The following TTC28 variants were observed in gnomAD, a reference collection of about 807,000 sequenced individuals.
TTC28 encodes the protein tetratricopeptide repeat domain 28.
Under a neutral mutation model 198.0 loss-of-function variants are expected in TTC28, and 61 were observed. The ratio of observed to expected loss-of-function variants is 0.31; its 90% CI spans 0.25 to 0.38. The LOEUF (loss-of-function observed/expected upper bound fraction) is 0.38, where lower values mean the gene tolerates loss of function less well. TTC28 is among the 10% of genes least tolerant of loss of function. The pLI is 1.00. For missense variants in TTC28, 2,678 were observed against 3,164.0 expected (o/e 0.85, Z 3.69); for synonymous variants, 1,171 against 1,297.8 (o/e 0.90, Z 2.10).
At chr22:28,034,329 C>T (rs1939246722) in intron 12 of TTC28, among the ~76,000 whole-genome samples, 1 of 152,120 alleles carries the variant, frequency 6.6e-6, no homozygotes, top group East Asian at 1.9e-4. Context: ...TAGGGAGGCA[C>T]CAAAAGCTAA....
intron 2 of TTC28, among the ~76,000 whole-genome samples, chr22:28,605,352 G>T (rs945291361): frequency 2.0e-5 from 3 of 152,164 alleles, no homozygotes; most frequent in Non-Finnish European, 4.4e-5. Flanking sequence ...ACAATGACCA[G>T]TGGCCTTAAG....
At position 27,981,668 on chromosome 22, in the gene TTC28, A is replaced by G. The variant is rs1937027390; in HGVS notation, c.*553T>C. On this transcript the variant is annotated 3_prime_UTR_variant, in exon 23 of 23. Transcript: ENST00000397906. Reference sequence around the variant, plus strand: ...ACACTATCATGAGACCAAAATTGCTACAATTTAATTACAAATCATTGGCAT... The same window carrying G: ...ACACTATCATGAGACCAAAATTGCTGCAATTTAATTACAAATCATTGGCAT... 6.6e-6 allele frequency: 1 copy of G among 152,264 alleles called. No homozygotes were observed. Among genetic ancestry groups the G allele is most frequent in the Non-Finnish European group, 1.5e-5 (1 of 68,078 alleles). The allele number at this position is 152,264 out of a possible 1,614,324, so 9.4% of individuals were successfully genotyped here.
intron 12 of TTC28, among the ~76,000 whole-genome samples, chr22:28,081,929 T>C (rs1294654914): frequency 6.6e-6 from 1 of 152,246 alleles, no homozygotes; most frequent in Non-Finnish European, 1.5e-5. Flanking sequence ...TTTAATTTCC[T>C]TCAGAATTTT....
intron 2 of TTC28, among the ~76,000 whole-genome samples, chr22:28,430,363 T>C (rs779247460): frequency 4.6e-5 from 7 of 152,166 alleles, no homozygotes; most frequent in East Asian, 1.9e-4. Flanking sequence ...ACAGGAGAGA[T>C]TGTTGCTCTG....
intron 2 of TTC28, among the ~76,000 whole-genome samples, chr22:28,322,423 C>T (rs73427775): frequency 0.017 from 2,577 of 152,188 alleles, 72 homozygotes; most frequent in African/African-American, 0.059. Context: ...CAGAAGATAA[C>T]AAATATAAAT....
At chr22:28,411,328 T>C (rs1601359460) in intron 2 of TTC28, among the ~76,000 whole-genome samples, 1 of 152,312 alleles carries the variant, frequency 6.6e-6, no homozygotes, top group East Asian at 1.9e-4. Flanking sequence ...GTTGTTCAAC[T>C]CTTATGAAAA....
At chr22:28,421,608 T>C (rs1488830976) in intron 2 of TTC28, among the ~76,000 whole-genome samples, 1 of 152,190 alleles carries the variant, frequency 6.6e-6, no homozygotes, top group African/African-American at 2.4e-5. Flanking sequence ...ATTTTGTGAC[T>C]GTTTAAGACA....
chr22:27,995,380 G>T (rs1937533727), intron 17 of TTC28, among the ~76,000 whole-genome samples: 1 of 152,192 alleles, frequency 6.6e-6, no homozygotes, highest in Admixed American at 6.5e-5. Context: ...TGTGGGGTGG[G>T]CCAGGGCTGG....
Position 28,286,395 on chromosome 22 carries a change from A to G in TTC28, c.933+9803T>C, listed in dbSNP as rs2044687275. On this transcript the variant is annotated intron_variant, in intron 5 of 22. Coordinates refer to ENST00000397906, the MANE Select transcript of TTC28 (RefSeq NM_001145418.2). ...ATCACTACATTAAACAATATAAAAAATTAATGAGATACTTTACATTCTTTT... is the reference window on the plus strand; with the variant it reads ...ATCACTACATTAAACAATATAAAAAGTTAATGAGATACTTTACATTCTTTT... Among the ~76,000 whole-genome samples the G allele has an allele frequency of 2.6e-5, 4 of 152,344 alleles. No homozygotes were observed. The South Asian group carries it at 6.2e-4, about 24-fold the overall frequency.
At chr22:28,087,715 T>C (rs192869664) in intron 12 of TTC28, among the ~76,000 whole-genome samples, 1 of 152,212 alleles carries the variant, frequency 6.6e-6, no homozygotes, top group Admixed American at 6.5e-5. Flanking sequence ...AAAGAGGAAG[T>C]CAAATCGTCC....
intron 2 of TTC28, among the ~76,000 whole-genome samples, chr22:28,459,568 C>G (rs1301480329): frequency 6.6e-6 from 1 of 152,206 alleles, no homozygotes; most frequent in East Asian, 1.9e-4. Flanking sequence ...CAAAGCCACC[C>G]ACATCCCAAG....
At chr22:28,568,193 G>A (rs2050009734) in intron 2 of TTC28, among the ~76,000 whole-genome samples, 1 of 152,132 alleles carries the variant, frequency 6.6e-6, no homozygotes, top group South Asian at 2.1e-4. Flanking sequence ...TACAGAAAGT[G>A]TGCATATGTG....
At chr22:28,352,312 C>CATATATATATATATATATAT (rs35793503) in intron 2 of TTC28, among the ~76,000 whole-genome samples, 39 of 142,756 alleles carry the variant, frequency 2.7e-4, no homozygotes, top group African/African-American at 1.0e-3. Flanking sequence ...GAGATATATA[C>CATATATATATATATATATAT]ATATATATAT....
At chr22:28,486,657 C>T (rs1380048128) in intron 2 of TTC28, among the ~76,000 whole-genome samples, 1 of 152,150 alleles carries the variant, frequency 6.6e-6, no homozygotes, top group East Asian at 1.9e-4. Flanking sequence ...CTACTCTTCA[C>T]GGAAGGCCAA....
intron 1 of TTC28, among the ~76,000 whole-genome samples, chr22:28,646,781 C>A (rs1406016226): frequency 6.6e-6 from 1 of 152,188 alleles, no homozygotes; most frequent in East Asian, 1.9e-4. Flanking sequence ...ATGAGAATCA[C>A]TTGAAACAGG....
intron 12 of TTC28, among the ~76,000 whole-genome samples, chr22:28,034,371 C>T (rs1000013825): frequency 3.3e-5 from 5 of 152,196 alleles, no homozygotes; most frequent in African/African-American, 7.2e-5. Context: ...AGTCTGCTTA[C>T]GTTCCACTCC....
chr22:28,193,004 T>A (rs1451389418), intron 5 of TTC28, among the ~76,000 whole-genome samples: 5 of 151,992 alleles, frequency 3.3e-5, no homozygotes. Context: ...TTACCAAAGT[T>A]GAAACGAAGG....
chr22:28,622,925 G>A (rs190373727), intron 2 of TTC28, among the ~76,000 whole-genome samples: 1 of 151,872 alleles, frequency 6.6e-6, no homozygotes, highest in Non-Finnish European at 1.5e-5. Context: ...GGGTTCAAGC[G>A]ATTCTCCTGC....
chr22:28,331,269 G>C lies in TTC28; in HGVS notation c.382-24626C>G, dbSNP rs908487857. Among the ~76,000 whole-genome samples the C allele has an allele frequency of 1.6e-4, 24 of 152,214 alleles. 1 individual carries two copies. Among genetic ancestry groups the C allele is most frequent in the Admixed American group, 1.4e-3 (22 of 15,266 alleles). On this transcript the variant is annotated intron_variant, in intron 2 of 22. Transcript: ENST00000397906. The stretch of plus-strand genomic sequence containing the variant: ...CAGAGATTCAAACCCAGAACTGTCT[G>C]CCTCTGAAGCCAGGACTCCACTCCT...
Sources: gnomAD v4.1 joint callset for allele counts (sites outside exome capture counted in the v4.1 genomes callset) on GRCh38, gnomAD v4.1.1 for gene constraint, MANE v1.5 for transcripts, NCBI Gene and HGNC (gene_info 2026-07-23, HGNC 2026-07-21) for gene names.